The following KIF16B variants were observed in gnomAD, a reference collection of about 807,000 sequenced individuals.
KIF16B encodes the protein kinesin family member 16B.
A neutral mutation model predicts 156.3 loss-of-function variants in KIF16B; 98 were observed. The ratio of observed to expected loss-of-function variants is 0.63; its 90% CI spans 0.53 to 0.74. The LOEUF (loss-of-function observed/expected upper bound fraction) is 0.74, where lower values mean the gene tolerates loss of function less well. KIF16B is among the 30% of genes least tolerant of loss of function. The pLI, the probability that KIF16B is intolerant of heterozygous loss-of-function variation, is 0.00. For missense variants in KIF16B, 1,421 were observed against 1,606.5 expected, an observed-to-expected ratio of 0.88 and a Z score of 1.97; for synonymous variants, 564 against 583.7, an observed-to-expected ratio of 0.97 and a Z score of 0.49.
At chr20:16,291,751 A>G (rs2063318407) in intron 25 of KIF16B, among the ~76,000 whole-genome samples, 2 of 152,220 alleles carry the variant, frequency 1.3e-5, no homozygotes, top group Non-Finnish European at 2.9e-5. Flanking sequence ...TTACTTAAAT[A>G]TGCCCAGATT....
At chr20:16,496,015 G>A (rs2068442891) in intron 11 of KIF16B, among the ~76,000 whole-genome samples, 2 of 151,826 alleles carry the variant, frequency 1.3e-5, no homozygotes, top group Admixed American at 1.3e-4. Flanking sequence ...GGTGTGGTAA[G>A]ACTGTCCTGA....
chr20:16,352,422 G>A (rs921777467), intron 23 of KIF16B, among the ~76,000 whole-genome samples: 4 of 152,158 alleles, frequency 2.6e-5, no homozygotes, highest in African/African-American at 9.7e-5. Flanking sequence ...ATAGATTTTG[G>A]TTTAATGAAA....
At chr20:16,376,173 A>G (rs1443594305) in intron 19 of KIF16B, among the ~76,000 whole-genome samples, 1 of 152,190 alleles carries the variant, frequency 6.6e-6, no homozygotes, top group East Asian at 1.9e-4. Context: ...TATCATCGTC[A>G]TTGTTAAAGG....
In KIF16B at chr20:16,320,435, C is replaced by G. The variant is rs191744795; in HGVS notation, c.3712-8017G>C. On this transcript the variant is annotated intron_variant, in intron 24 of 25. Transcript: ENST00000354981. ...CCTTCCACAAAAAAATGTGAGCCAG[C>G]AGGACTTAAGAAAGAGGTGGAAGAA... 4.9e-3 allele frequency among the ~76,000 whole-genome samples: 742 copies of G among 151,932 alleles called. 5 individuals are homozygous for G. Among genetic ancestry groups the G allele is most frequent in the Non-Finnish European group, 5.9e-3 (401 of 67,966 alleles).
intron 17 of KIF16B, among the ~76,000 whole-genome samples, chr20:16,397,075 C>T (rs990844795): frequency 1.3e-5 from 2 of 152,208 alleles, no homozygotes; most frequent in Non-Finnish European, 2.9e-5. Flanking sequence ...TGAGCACTTT[C>T]AAGAAGCTGT....
intron 20 of KIF16B, 93 bp downstream of exon 20, chr20:16,374,164 G>C: frequency 7.8e-7 from 1 of 1,277,602 alleles, no homozygotes. Context: ...GCCCTTAATA[G>C]AGCCCTCCAG....
At chr20:16,480,854 A>C (rs893547632) in intron 12 of KIF16B, among the ~76,000 whole-genome samples, 3 of 152,212 alleles carry the variant, frequency 2.0e-5, no homozygotes, top group Non-Finnish European at 4.4e-5. Context: ...TAACAAAATG[A>C]ATCTATTCAG....
intron 12 of KIF16B, among the ~76,000 whole-genome samples, chr20:16,461,996 C>T (rs1401757931): frequency 3.3e-5 from 5 of 152,160 alleles, no homozygotes; most frequent in Non-Finnish European, 7.3e-5. Context: ...CATCTGTAAT[C>T]CCAGCACTTT....
intron 25 of KIF16B, among the ~76,000 whole-genome samples, chr20:16,275,223 T>A (rs2063042893): frequency 6.6e-6 from 1 of 151,960 alleles, no homozygotes; most frequent in South Asian, 2.1e-4. Flanking sequence ...CCAGCTAATT[T>A]TTTTGTATTT....
chr20:16,476,517 T>C (rs1354464101), intron 12 of KIF16B, among the ~76,000 whole-genome samples: 1 of 152,210 alleles, frequency 6.6e-6, no homozygotes, highest in Non-Finnish European at 1.5e-5. Flanking sequence ...TCTGGCTTAA[T>C]ATAATAATAA....
chr20:16,348,094 C>T (rs1224790555), intron 23 of KIF16B, among the ~76,000 whole-genome samples: 1 of 152,182 alleles, frequency 6.6e-6, no homozygotes, highest in Admixed American at 6.5e-5. Context: ...GCCTTAACAA[C>T]AGCCCCAATT....
At chr20:16,353,101 T>A (rs535638111) in intron 23 of KIF16B, among the ~76,000 whole-genome samples, 1 of 152,216 alleles carries the variant, frequency 6.6e-6, no homozygotes, top group African/African-American at 2.4e-5. Flanking sequence ...TACATTGATG[T>A]TAAATCTCCC....
intron 25 of KIF16B, among the ~76,000 whole-genome samples, chr20:16,291,926 G>C (rs2063320487): frequency 6.6e-6 from 1 of 152,164 alleles, no homozygotes; most frequent in African/African-American, 2.4e-5. Context: ...TTTATTCAGA[G>C]AGCTCTGAAA....
At chr20:16,461,693 C>G (rs983501062) in intron 12 of KIF16B, among the ~76,000 whole-genome samples, 1 of 152,146 alleles carries the variant, frequency 6.6e-6, no homozygotes, top group Non-Finnish European at 1.5e-5. Flanking sequence ...CAATTTAACA[C>G]TTGGAAATAC....
chr20:16,414,662 G>A (rs1354301531), intron 15 of KIF16B, among the ~76,000 whole-genome samples: 2 of 152,098 alleles, frequency 1.3e-5, no homozygotes, highest in African/African-American at 4.8e-5. Flanking sequence ...CACAAACTGA[G>A]TTTGAAGCTT....
intron 25 of KIF16B, among the ~76,000 whole-genome samples, chr20:16,295,145 CA>C: frequency 6.6e-6 from 1 of 152,188 alleles, no homozygotes; most frequent in South Asian, 2.1e-4. Flanking sequence ...AAAAAGATTC[CA>C]AAGCATCTAG....
chr20:16,535,184 T>C (rs1250116715), intron 1 of KIF16B, among the ~76,000 whole-genome samples: 1 of 152,192 alleles, frequency 6.6e-6, no homozygotes, highest in Non-Finnish European at 1.5e-5. Flanking sequence ...ATCAGTATTT[T>C]GCAGTTTTCC....
chr20:16,457,375 C>T (rs748000072), intron 12 of KIF16B, among the ~76,000 whole-genome samples: 4 of 152,182 alleles, frequency 2.6e-5, no homozygotes, highest in Non-Finnish European at 4.4e-5. Flanking sequence ...TATCTCTCCC[C>T]GAAAACCATA....
At chr20:16,412,385 T>C (rs1443788305) in intron 15 of KIF16B, among the ~76,000 whole-genome samples, 3 of 152,020 alleles carry the variant, frequency 2.0e-5, no homozygotes, top group Non-Finnish European at 4.4e-5. Flanking sequence ...AAGAAGTCTA[T>C]GAATGAAGAG....
Sources: gnomAD v4.1 joint callset for allele counts (sites outside exome capture counted in the v4.1 genomes callset) on GRCh38, gnomAD v4.1.1 for gene constraint, MANE v1.5 for transcripts, NCBI Gene and HGNC (gene_info 2026-07-23, HGNC 2026-07-21) for gene names.